EIF2D: variants seen among roughly 807,000 people sequenced by gnomAD.
The protein encoded by EIF2D is hepatocellular carcinoma-associated antigen 56.
In EIF2D, 56 loss-of-function variants were observed where a neutral mutation model predicts 77.4. That is an observed-to-expected ratio of 0.72 (90% CI 0.58 to 0.90). EIF2D has a LOEUF of 0.90. Among genes scored for constraint, EIF2D ranks in the 40% least tolerant of loss-of-function variants. EIF2D has a pLI of 0.00. For synonymous variants in EIF2D, 230 were observed against 271.0 expected (o/e 0.85, Z 1.49); for missense variants, 574 against 706.5 (o/e 0.81, Z 2.13).
chr1:206,608,192 T>C (rs1670289733), intron 4 of EIF2D, 44 bp downstream of exon 4: 11 of 1,571,834 alleles, frequency 7.0e-6, no homozygotes, highest in Non-Finnish European at 9.6e-6. Flanking sequence ...ACTTCTCTTT[T>C]ACACAAGTTT....
At chr1:206,588,257 T>C (rs1443860467), downstream of EIF2D, 9 of 152,738 alleles carry the variant, frequency 5.9e-5, no homozygotes, top group African/African-American at 2.2e-4. Context: ...CCGCGTTCAG[T>C]ATGGGTTGAG....
In EIF2D at chr1:206,599,262, C is replaced by T. The variant is rs1238253588; in HGVS notation, c.1203-170G>A. Reference sequence around the variant, plus strand: ...CATGACCATGTGAAGAATAATTACACGCAGAAAAGGGTGAGACCTACTCGT... The same window carrying T: ...CATGACCATGTGAAGAATAATTACATGCAGAAAAGGGTGAGACCTACTCGT... On this transcript the variant is annotated intron_variant, in intron 10 of 14. Coordinates refer to ENST00000271764, the MANE Select transcript of EIF2D (RefSeq NM_006893.3). This position sits in a 1 kb window ranked among gnomAD's most constrained non-coding sequence, Gnocchi z 4.1. 6.6e-6 allele frequency among the ~76,000 whole-genome samples: 1 copy of T among 152,124 alleles called. No individual in the cohort carries two copies. Among genetic ancestry groups the T allele is most frequent in the Non-Finnish European group, 1.5e-5 (1 of 68,018 alleles).
rs781894863 is a variant in EIF2D, at chr1:206,592,259, G to C, written c.1685-414C>G. 2.0e-5 allele frequency among the ~76,000 whole-genome samples: 3 copies of C among 152,224 alleles called. No homozygotes were observed. The highest frequency in any genetic ancestry group is 2.9e-5 in the Non-Finnish European group (2 of 68,046). Reference sequence around the variant, plus strand: ...CCGCCAGGCCCTGAGGATGAAAAAGGCAAGGTTTCTGGCTCATGCAGCTCA... The same window carrying C: ...CCGCCAGGCCCTGAGGATGAAAAAGCCAAGGTTTCTGGCTCATGCAGCTCA... On this transcript the variant is annotated intron_variant, in intron 14 of 14. Coordinates refer to ENST00000271764, the MANE Select transcript of EIF2D (RefSeq NM_006893.3). This position sits in a 1 kb window ranked among gnomAD's most constrained non-coding sequence, Gnocchi z 4.7.
chr1:206,575,808 G>C (rs782724720), intron 4 of EIF2D, among the ~76,000 whole-genome samples: 1 of 152,230 alleles, frequency 6.6e-6, no homozygotes, highest in Non-Finnish European at 1.5e-5. Flanking sequence ...TCATTTGATG[G>C]TCTTGCATTT....
chr1:206,609,629 G>A (rs558259491), intron 2 of EIF2D, among the ~76,000 whole-genome samples, 170 bp from the exon 3 acceptor site: 1 of 152,292 alleles, frequency 6.6e-6, no homozygotes, highest in South Asian at 2.1e-4. Flanking sequence ...TTTTGAGGAA[G>A]GAAAAAACCT....
rs782748606 is a variant in EIF2D, at chr1:206,608,315, G to A, written c.343C>T (p.Pro115Ser). ...KLVGGADLML[P>S]GLVMPPAGLP... ...CCAGCAGGGGGCATCACCAGTCCAG[G>A]CAGCATCAAATCTGCAATGAACAAA... The change falls in exon 4 of 15, where the codon CCT (proline) becomes TCT (serine). Residue 115 changes from proline to serine, a missense_variant. Physicochemically the swap from Pro to Ser is moderately conservative, Grantham distance 74 (BLOSUM62 -1). Transcript: ENST00000271764. 1.9e-6 allele frequency: 3 copies of A among 1,611,054 alleles called. No homozygotes were observed. The highest frequency in any genetic ancestry group is 2.5e-6 in the Non-Finnish European group (3 of 1,178,342).
rs1553407069 is a variant in EIF2D at position 206,584,444 on chromosome 1, G to T, written c.139-3282C>A. 1.9e-5 allele frequency: 30 copies of T among 1,614,164 alleles called. No individual in the cohort carries two copies. The highest frequency in any genetic ancestry group is 2.5e-5 in the Non-Finnish European group (30 of 1,180,014). On this transcript the variant is annotated intron_variant and NMD_transcript_variant, in intron 2 of 5. Transcript: ENST00000472709. The surrounding 1 kb of genome is among the most constrained non-coding windows in gnomAD (Gnocchi z 4.9). ...AGTGCATCTGAAACTCCGGCGGCCT[G>T]TGACGGTGCCTGCTGGGATCCGGCC...
At chr1:206,572,374 G>A (rs1668480719) in intron 5 of EIF2D, among the ~76,000 whole-genome samples, 1 of 152,158 alleles carries the variant, frequency 6.6e-6, no homozygotes, top group Non-Finnish European at 1.5e-5. Context: ...AGTGGCTGTG[G>A]ATATCAGAAA....
rs958937969 is a variant in EIF2D at position 206,579,434 on chromosome 1, T to C, written c.*254+1258A>G. Among the ~76,000 whole-genome samples, 3 of 152,230 alleles carry C rather than the reference T, an allele frequency of 2.0e-5. No homozygotes were observed. Among genetic ancestry groups the C allele is most frequent in the Admixed American group, 6.5e-5 (1 of 15,278 alleles). On this transcript the variant is annotated intron_variant and NMD_transcript_variant, in intron 4 of 5. Coordinates refer to the EIF2D transcript ENST00000472709. This position sits in a 1 kb window ranked among gnomAD's most constrained non-coding sequence, Gnocchi z 4.2. ...GATCCTTAAGAATCTGGCAGGTGAA[T>C]AGGAATCAGAGTCTTTGTCTTATCC...
At chr1:206,569,584 T>C (rs1553403892), downstream of EIF2D, among the ~76,000 whole-genome samples, 1 of 152,256 alleles carries the variant, frequency 6.6e-6, no homozygotes, top group Non-Finnish European at 1.5e-5. Flanking sequence ...CTCAGTCTGC[T>C]GGCCCTGTGA....
downstream of EIF2D, among the ~76,000 whole-genome samples, chr1:206,590,674 C>CCA (rs1225092232): frequency 6.6e-6 from 1 of 152,156 alleles, no homozygotes; most frequent in Non-Finnish European, 1.5e-5. Context: ...GTAGGAGGCG[C>CCA]CACACACACA....
At chr1:206,578,437 T>G (rs926153849) in intron 4 of EIF2D, among the ~76,000 whole-genome samples, 6 of 152,094 alleles carry the variant, frequency 3.9e-5, no homozygotes, top group African/African-American at 1.4e-4. Flanking sequence ...GTGAGTAGAA[T>G]AGTGCACGGT....
Position 206,599,343 on chromosome 1 carries a change from G to C in EIF2D, c.1202+120C>G. On this transcript the variant is annotated intron_variant, in intron 10 of 14. Transcript: ENST00000271764. The surrounding 1 kb of genome is among the most constrained non-coding windows in gnomAD (Gnocchi z 4.1). ...AGAAGGCTGGAAGCTGGATTTTGGA[G>C]AAGGGGAGAACAGGGGCAGAGCAGG... is the stretch of plus-strand genomic sequence containing the variant. The C allele has an allele frequency of 7.5e-7, 1 of 1,340,630 alleles. No homozygotes were observed. Among genetic ancestry groups the C allele is most frequent in the Non-Finnish European group, 1.0e-6 (1 of 975,502 alleles). The allele number at this position is 1,340,630 out of a possible 1,614,324, so 83.0% of individuals were successfully genotyped here.
chr1:206,595,868 A>G (rs892535400), intron 12 of EIF2D, 30 bp from the exon 13 acceptor site: 2 of 1,611,542 alleles, frequency 1.2e-6, no homozygotes, highest in Non-Finnish European at 8.5e-7. Context: ...TTGCAAACTG[A>G]TAAAGCCAAC....
Position 206,599,190 on chromosome 1 carries a change from C to G in EIF2D, c.1203-98G>C. On this transcript the variant is annotated intron_variant, in intron 10 of 14. Coordinates refer to ENST00000271764, the MANE Select transcript of EIF2D (RefSeq NM_006893.3). This position sits in a 1 kb window ranked among gnomAD's most constrained non-coding sequence, Gnocchi z 4.1. Reference sequence around the variant, plus strand: ...ACTCCCTGCTGAGCAGGGAACTTTCCTTAGCTTTCGGCCTCTAGTTTCTTC... The same window carrying G: ...ACTCCCTGCTGAGCAGGGAACTTTCGTTAGCTTTCGGCCTCTAGTTTCTTC... 8.2e-7 allele frequency: 1 copy of G among 1,220,398 alleles called. No individual in the cohort carries two copies. The highest frequency in any genetic ancestry group is 2.4e-5 in the East Asian group (1 of 42,220). 75.6% of individuals were successfully genotyped at this position (1,220,398 alleles called of 1,614,324 possible).
chr1:206,593,162 A>G (rs7544267), intron 14 of EIF2D, among the ~76,000 whole-genome samples: 71,343 of 151,478 alleles, frequency 0.47, 16,982 homozygotes, highest in African/African-American at 0.55. Flanking sequence ...GTGCCCAGCT[A>G]TATCACTCAA....
Position 206,585,198 on chromosome 1 carries a change from C to T in EIF2D, c.139-4036G>A, listed in dbSNP as rs148610151. ...TTTGCAGTGCTCTTCCAGAAACTCT[C>T]CATTGCTGACCGCCCCCTCTACCTG... On this transcript the variant is annotated intron_variant and NMD_transcript_variant, in intron 2 of 5. Coordinates refer to the EIF2D transcript ENST00000472709. 3 of 1,613,940 alleles carry T rather than the reference C, an allele frequency of 1.9e-6. No homozygotes were observed. In the African/African-American group the frequency reaches 4.0e-5, roughly 22 times the overall value.
intron 2 of EIF2D, among the ~76,000 whole-genome samples, chr1:206,609,738 C>CT (rs1398425851): frequency 4.6e-5 from 7 of 152,316 alleles, no homozygotes; most frequent in Non-Finnish European, 7.4e-5. Flanking sequence ...ACCAATGAAG[C>CT]TTTTATTTAC....
In EIF2D at chr1:206,573,923, C is replaced by G. The variant is rs116773612; in HGVS notation, c.*255-1224G>C. On this transcript the variant is annotated intron_variant and NMD_transcript_variant, in intron 4 of 5. Coordinates refer to the EIF2D transcript ENST00000472709. Reference sequence around the variant, plus strand: ...CAGAAGACCAAGGGCATGGCCAGCACAGGCCACCTGTGGCCCAGCGTGCAA... The same window carrying G: ...CAGAAGACCAAGGGCATGGCCAGCAGAGGCCACCTGTGGCCCAGCGTGCAA... Among the ~76,000 whole-genome samples the G allele has an allele frequency of 9.4e-3, 1,427 of 152,350 alleles. 27 individuals carry two copies. Among genetic ancestry groups the G allele is most frequent in the African/African-American group, 0.032 (1,336 of 41,578 alleles).
Sources: gnomAD v4.1 joint callset for allele counts (sites outside exome capture counted in the v4.1 genomes callset) on GRCh38, gnomAD v4.1.1 for gene constraint, Gnocchi (gnomAD v3.1) non-coding constraint, MANE v1.5 for transcripts, NCBI Gene and HGNC (gene_info 2026-07-23, HGNC 2026-07-21) for gene names.